The following CSMD1 variants were observed in gnomAD, a reference collection of about 807,000 sequenced individuals.
CSMD1 encodes the protein CUB and sushi domain-containing protein 1.
In CSMD1, 213 loss-of-function variants were observed where a neutral mutation model predicts 417.5. That is an observed-to-expected ratio of 0.51 (90% confidence interval 0.46 to 0.57). The LOEUF (loss-of-function observed/expected upper bound fraction) is 0.57. Among genes scored for constraint, CSMD1 ranks in the 20% least tolerant of loss-of-function variants. CSMD1 has a pLI of 0.00. For missense variants in CSMD1, 6,923 were observed against 4,529.7 expected (o/e 1.53, Z -15.17); for synonymous variants, 2,862 against 1,736.8 (o/e 1.65, Z -16.11).
rs142356676 is a variant in CSMD1 at position 4,496,603 on chromosome 8, T to C, written c.303-76538A>G. On this transcript the variant is annotated intron_variant, in intron 2 of 69. Coordinates refer to ENST00000635120, the MANE Select transcript of CSMD1 (RefSeq NM_033225.6). ...TCTGCTCCTTGTGGCTCTCTTGTTA[T>C]TGTTATTCCTGGTTTGTTCCTCCTC... Among the ~76,000 whole-genome samples the C allele has an allele frequency of 9.2e-3, 1,401 of 152,298 alleles. 29 individuals are homozygous for C. Among genetic ancestry groups the C allele is most frequent in the African/African-American group, 0.031 (1,279 of 41,570 alleles).
chr8:4,800,491 A>T (rs573764636), intron 1 of CSMD1, among the ~76,000 whole-genome samples: 1 of 152,120 alleles, frequency 6.6e-6, no homozygotes, highest in Non-Finnish European at 1.5e-5. Context: ...TCTTAGGTTT[A>T]ATTCCTGGGA....
chr8:3,295,729 C>CTGAT (rs1427162409), intron 25 of CSMD1, among the ~76,000 whole-genome samples: 1 of 152,086 alleles, frequency 6.6e-6, no homozygotes, highest in Non-Finnish European at 1.5e-5. Flanking sequence ...TTAGGAATAC[C>CTGAT]TGATTACCGT....
chr8:4,802,522 A>G (rs1358646862), intron 1 of CSMD1, among the ~76,000 whole-genome samples: 1 of 152,202 alleles, frequency 6.6e-6, no homozygotes, highest in Non-Finnish European at 1.5e-5. Context: ...ACAGAGTGTG[A>G]ATTTCCAAGC....
At chr8:4,041,752 G>T (rs1797906141) in intron 3 of CSMD1, among the ~76,000 whole-genome samples, 1 of 152,082 alleles carries the variant, frequency 6.6e-6, no homozygotes, top group Non-Finnish European at 1.5e-5. Context: ...TCAGTCAGGT[G>T]ATGATGGAAC....
At chr8:4,709,277 G>C (rs937109472) in intron 1 of CSMD1, among the ~76,000 whole-genome samples, 1 of 152,156 alleles carries the variant, frequency 6.6e-6, no homozygotes, top group Non-Finnish European at 1.5e-5. Flanking sequence ...TGACTCCTTG[G>C]CTAACTGCAG....
intron 5 of CSMD1, among the ~76,000 whole-genome samples, chr8:3,825,743 C>T (rs1012606632): frequency 2.6e-5 from 4 of 152,154 alleles, no homozygotes; most frequent in East Asian, 1.9e-4. Context: ...AACAAGGAGG[C>T]GATTGGGGCC....
At chr8:2,959,604 A>G (rs1457234992) in intron 62 of CSMD1, among the ~76,000 whole-genome samples, 2 of 152,130 alleles carry the variant, frequency 1.3e-5, no homozygotes, top group East Asian at 3.9e-4. Flanking sequence ...ACTGATTATC[A>G]TACACTAACC....
At chr8:4,662,825 C>G (rs763649436) in intron 1 of CSMD1, among the ~76,000 whole-genome samples, 1 of 152,072 alleles carries the variant, frequency 6.6e-6, no homozygotes, top group Admixed American at 6.6e-5. Context: ...CCCACATCAT[C>G]AAAACATTGT....
intron 18 of CSMD1, among the ~76,000 whole-genome samples, chr8:3,377,383 T>C (rs557458938): frequency 1.3e-5 from 2 of 152,210 alleles, no homozygotes; most frequent in Non-Finnish European, 2.9e-5. Context: ...ACAGTCATGC[T>C]ATTGATTCCT....
intron 21 of CSMD1, 76 bp downstream of exon 21, chr8:3,359,076 C>T (rs547198059): frequency 3.8e-5 from 56 of 1,463,806 alleles, no homozygotes; most frequent in African/African-American, 1.1e-4. Context: ...CACCCGACCC[C>T]GACCACCCTA....
intron 33 of CSMD1, 81 bp from the exon 34 acceptor site, chr8:3,190,196 G>A (rs1796328624): frequency 1.9e-6 from 2 of 1,053,768 alleles, no homozygotes; most frequent in Admixed American, 2.1e-5. Flanking sequence ...GTTTAAGATG[G>A]GACCAAGGAG....
intron 7 of CSMD1, among the ~76,000 whole-genome samples, chr8:3,631,632 T>C (rs937225792): frequency 1.3e-5 from 2 of 152,166 alleles, no homozygotes; most frequent in Non-Finnish European, 2.9e-5. Flanking sequence ...ACACTGAAGA[T>C]CACTGGTGAT....
chr8:3,706,772 A>G lies in CSMD1; in HGVS notation c.1009+1642T>C, dbSNP rs571715564. On this transcript the variant is annotated intron_variant, in intron 7 of 69. Transcript: ENST00000635120. The stretch of plus-strand genomic sequence containing the variant: ...GGTTTTATCATAAAAATCATTTTCA[A>G]ACTACTGTAAATACTATATCTCCCT... 4.7e-5 allele frequency among the ~76,000 whole-genome samples: 7 copies of G among 147,982 alleles called. No homozygotes were observed. The South Asian group carries it at 1.5e-3, about 32-fold the overall frequency.
chr8:3,698,697 T>C lies in CSMD1; in HGVS notation c.1009+9717A>G, dbSNP rs147189791. Among the ~76,000 whole-genome samples the C allele has an allele frequency of 7.9e-3, 1,207 of 152,330 alleles. 6 individuals carry two copies. The highest frequency in any genetic ancestry group is 0.013 in the Non-Finnish European group (867 of 68,030). Reference sequence around the variant, plus strand: ...CGCCTGGTATTCCTTAATAATATTATTGTGAAGCAAAATGTGTTTCTCACA... The same window carrying C: ...CGCCTGGTATTCCTTAATAATATTACTGTGAAGCAAAATGTGTTTCTCACA... On this transcript the variant is annotated intron_variant, in intron 7 of 69. Coordinates refer to ENST00000635120, the MANE Select transcript of CSMD1 (RefSeq NM_033225.6).
chr8:4,630,657 A>G (rs1802456033), intron 2 of CSMD1, among the ~76,000 whole-genome samples: 1 of 152,172 alleles, frequency 6.6e-6, no homozygotes, highest in African/African-American at 2.4e-5. Flanking sequence ...AAATCACCTA[A>G]TTATGGGAAC....
intron 1 of CSMD1, among the ~76,000 whole-genome samples, chr8:4,668,413 T>C (rs922360061): frequency 2.7e-4 from 36 of 131,948 alleles, no homozygotes; most frequent in African/African-American, 9.7e-4. Context: ...TTTGATGTTT[T>C]CCATTATTAT....
intron 3 of CSMD1, among the ~76,000 whole-genome samples, chr8:4,225,957 T>A (rs1327451585): frequency 6.6e-6 from 1 of 152,150 alleles, no homozygotes. Context: ...GTGAATTTCA[T>A]GTTGAGTTAT....
chr8:4,659,453 T>C (rs1400932414), intron 1 of CSMD1, among the ~76,000 whole-genome samples: 1 of 152,142 alleles, frequency 6.6e-6, no homozygotes, highest in Non-Finnish European at 1.5e-5. Context: ...GGAATACCAC[T>C]CAGTCACAAA....
chr8:3,836,959 GT>G (rs1204052744), intron 5 of CSMD1, among the ~76,000 whole-genome samples: 1 of 151,240 alleles, frequency 6.6e-6, no homozygotes, highest in Non-Finnish European at 1.5e-5. Context: ...AAAATAAAAA[GT>G]TTTATAAAAG....
Sources: gnomAD v4.1 joint callset for allele counts (sites outside exome capture counted in the v4.1 genomes callset) on GRCh38, gnomAD v4.1.1 for gene constraint, MANE v1.5 for transcripts, NCBI Gene and HGNC (gene_info 2026-07-23, HGNC 2026-07-21) for gene names.